Variants in NLRP4 observed in about 807,000 individuals in gnomAD.
The protein encoded by NLRP4 is NACHT, LRR and PYD domains-containing protein 4.
Under a neutral mutation model 84.7 loss-of-function variants are expected in NLRP4, and 44 were observed. The observed-to-expected ratio is 0.52, with a 90% CI of 0.41 to 0.67. NLRP4 has a LOEUF of 0.67. Ranked by LOEUF, NLRP4 falls within the 30% of genes least tolerant of loss-of-function variation. NLRP4 has a pLI of 0.00. For missense variants in NLRP4, 1,260 were observed against 1,219.4 expected (o/e 1.03, Z -0.50); for synonymous variants, 544 against 476.4 (o/e 1.14, Z -1.85).
chr19:55,845,064 T>G (rs535050403), intron 1 of NLRP4, among the ~76,000 whole-genome samples: 43 of 152,108 alleles, frequency 2.8e-4, no homozygotes, highest in African/African-American at 9.9e-4. Flanking sequence ...TTAGGGTACA[T>G]GTGCACAACG....
At chr19:55,868,503 C>CT (rs58089624) in intron 6 of NLRP4, among the ~76,000 whole-genome samples, 59,162 of 139,812 alleles carry the variant, frequency 0.42, 12,759 homozygotes, top group East Asian at 0.68. Context: ...GCATTTGTGT[C>CT]TTTTTTTTTT....
At chr19:55,848,675 T>G (rs1983895771) in intron 1 of NLRP4, among the ~76,000 whole-genome samples, 2 of 152,146 alleles carry the variant, frequency 1.3e-5, no homozygotes, top group Non-Finnish European at 2.9e-5. Context: ...GTGCTAGGAT[T>G]ACAGGCGTGA....
Position 55,858,978 on chromosome 19 carries a change from C to G in NLRP4, c.1585C>G (p.Gln529Glu), listed in dbSNP as rs1984598494. 6.2e-7 allele frequency: 1 copy of G among 1,614,026 alleles called. No homozygotes were observed. Among genetic ancestry groups the G allele is most frequent in the Admixed American group, 1.7e-5 (1 of 59,998 alleles). The change falls in exon 3 of 10, where the codon CAG becomes GAG. Residue 529 changes from glutamine to glutamate, a missense_variant. Physicochemically the swap from Gln to Glu is conservative, Grantham distance 29 (BLOSUM62 2). This residue lies in a region of NLRP4 where 712 missense variants were observed against 669.2 expected (regional missense o/e 1.06). Transcript: ENST00000301295. The surrounding 1 kb of genome is among the most constrained non-coding windows in gnomAD (Gnocchi z 4.2). ...CTTCCAACTGTCCCAAGAGATAAAG[C>G]AGCAAATTCACCAGTGCCTGAAGAG... ...FGFQLSQEIK[Q>E]QIHQCLKSLG...
At chr19:55,859,546 T>C (rs996063283) in intron 3 of NLRP4, among the ~76,000 whole-genome samples, 1 of 152,110 alleles carries the variant, frequency 6.6e-6, no homozygotes, top group African/African-American at 2.4e-5. Context: ...TATTAGCTGA[T>C]CAGTACTATA....
chr19:55,840,357 T>C (rs868522681), intron 1 of NLRP4, among the ~76,000 whole-genome samples: 11 of 147,352 alleles, frequency 7.5e-5, no homozygotes, highest in African/African-American at 2.9e-4. Context: ...TGTGTGTGTG[T>C]GTGTGTGTGT....
Position 55,861,449 on chromosome 19 carries a change from CAGAG to C in NLRP4, c.1923_1926del (p.Arg641SerfsTer15). ...CTGTGCTCACCACCAGCGGGCACCT[CAGAG>C]AGCTCCAGGTGCAGGACAGCACCCT... On this transcript the variant is annotated frameshift_variant, in exon 4 of 10. Transcript: ENST00000301295. LOFTEE classifies it high-confidence loss of function. 1.2e-6 allele frequency: 2 copies of C among 1,613,980 alleles called. No homozygotes were observed. The highest frequency in any genetic ancestry group is 1.7e-6 in the Non-Finnish European group (2 of 1,179,794).
At chr19:55,839,146 G>A (rs1234333439) in intron 1 of NLRP4, among the ~76,000 whole-genome samples, 2 of 151,808 alleles carry the variant, frequency 1.3e-5, no homozygotes, top group East Asian at 3.9e-4. Context: ...TCACCCACGG[G>A]CCTCAGTGTG....
intron 8 of NLRP4, among the ~76,000 whole-genome samples, chr19:55,877,998 A>G (rs1985434559): frequency 6.6e-6 from 1 of 152,148 alleles, no homozygotes; most frequent in African/African-American, 2.4e-5. Flanking sequence ...ATCCAAGATC[A>G]CCAGGTGTGA....
rs772473660 is a variant in NLRP4 at position 55,859,209 on chromosome 19, G to A, written c.1816G>A (p.Val606Ile). The A allele has an allele frequency of 3.5e-5, 57 of 1,605,920 alleles. No individual in the cohort carries two copies. Among genetic ancestry groups the A allele is most frequent in the South Asian group, 1.1e-4 (10 of 90,916 alleles). Residue 606 changes from valine (V) to isoleucine (I), a missense_variant, in exon 3 of 10, where the codon GTT (valine) becomes ATT (isoleucine). Transcript: ENST00000301295. The stretch of plus-strand genomic sequence containing the variant: ...CAGCTTGAGGAAACTCTGTTTTTCC[G>A]TTCAAAATGTCTTTAAGAAAGAGGA... ...CSSLRKLCFS[V>I]QNVFKKEDEH... is the part of the protein sequence containing the mutation.
intron 7 of NLRP4, among the ~76,000 whole-genome samples, chr19:55,876,551 G>C (rs1334015399): frequency 6.6e-6 from 1 of 151,868 alleles, no homozygotes. Context: ...TAGTAGAGAT[G>C]AGGGTTTCAC....
chr19:55,859,944 A>AAAC, intron 3 of NLRP4, among the ~76,000 whole-genome samples: 1 of 125,020 alleles, frequency 8.0e-6, no homozygotes, highest in African/African-American at 2.7e-5. Context: ...AAAAAAAAAA[A>AAAC]AAAAAAAACA....
chr19:55,874,775 A>G (rs1600242775), intron 7 of NLRP4, among the ~76,000 whole-genome samples: 1 of 152,186 alleles, frequency 6.6e-6, no homozygotes, highest in Non-Finnish European at 1.5e-5. Context: ...CCAGAAACCA[A>G]TAAGAATTTT....
chr19:55,879,080 A>C, intron 9 of NLRP4, 116 bp downstream of exon 9: 1 of 818,026 alleles, frequency 1.2e-6, no homozygotes, highest in Non-Finnish European at 1.9e-6. Flanking sequence ...TCCTTGTCTC[A>C]GGGTTGTTGC....
chr19:55,875,434 TA>T (rs535438881), intron 7 of NLRP4, among the ~76,000 whole-genome samples: 3 of 152,164 alleles, frequency 2.0e-5, no homozygotes, highest in Non-Finnish European at 4.4e-5. Context: ...CTAGTGGAAT[TA>T]AATAAAAGTA....
chr19:55,870,325 G>T (rs1985125301), intron 6 of NLRP4, among the ~76,000 whole-genome samples: 1 of 152,124 alleles, frequency 6.6e-6, no homozygotes, highest in African/African-American at 2.4e-5. Flanking sequence ...TTTTCCTTCT[G>T]CATTACCCTC....
intron 1 of NLRP4, among the ~76,000 whole-genome samples, chr19:55,838,687 C>A (rs113336300): frequency 4.3e-4 from 65 of 152,276 alleles, no homozygotes; most frequent in Admixed American, 6.5e-4. Context: ...TGGTGTCCCT[C>A]TACTCTTATA....
intron 9 of NLRP4, among the ~76,000 whole-genome samples, chr19:55,880,937 A>G (rs1187271893): frequency 6.6e-6 from 1 of 152,244 alleles, no homozygotes; most frequent in Non-Finnish European, 1.5e-5. Flanking sequence ...GCCAGGGCCC[A>G]GGTACTCGGA....
intron 2 of NLRP4, chr19:55,857,395 AG>A: frequency 4.3e-6 from 2 of 466,066 alleles, no homozygotes; most frequent in African/African-American, 2.0e-5. Context: ...TTTTGTGTAG[AG>A]GACCATATGG....
intron 5 of NLRP4, among the ~76,000 whole-genome samples, chr19:55,865,967 G>A (rs1984938857): frequency 6.6e-6 from 1 of 151,982 alleles, no homozygotes; most frequent in Non-Finnish European, 1.5e-5. Context: ...TGTGCTTTTG[G>A]TGCAATTGCT....
Sources: gnomAD v4.1 joint callset for allele counts (sites outside exome capture counted in the v4.1 genomes callset) on GRCh38, gnomAD v4.1.1 for gene constraint, gnomAD v4.1.1 regional missense constraint, Gnocchi (gnomAD v3.1) non-coding constraint, MANE v1.5 for transcripts, NCBI Gene and HGNC (gene_info 2026-07-23, HGNC 2026-07-21) for gene names.